THSD7B: variants seen among roughly 807,000 people sequenced by gnomAD.
THSD7B encodes thrombospondin type-1 domain-containing protein 7B.
Under a neutral mutation model 213.6 loss-of-function variants are expected in THSD7B, and 138 were observed. The observed-to-expected ratio is 0.65, with a 90% CI of 0.56 to 0.74. The LOEUF (loss-of-function observed/expected upper bound fraction) is 0.74. Among genes scored for constraint, THSD7B ranks in the 30% least tolerant of loss-of-function variants. THSD7B has a pLI of 0.00. For synonymous variants in THSD7B, 742 were observed against 687.0 expected, an observed-to-expected ratio of 1.08 and a Z score of -1.25; for missense variants, 1,931 against 1,991.5, an observed-to-expected ratio of 0.97 and a Z score of 0.58.
intron 2 of THSD7B, among the ~76,000 whole-genome samples, chr2:136,964,391 C>T (rs1685279443): frequency 6.6e-6 from 1 of 152,024 alleles, no homozygotes; most frequent in South Asian, 2.1e-4. Context: ...CACCACTGCA[C>T]TCCAGCCTGG....
intron 3 of THSD7B, among the ~76,000 whole-genome samples, chr2:137,076,986 C>T (rs1687639860): frequency 8.9e-6 from 1 of 112,442 alleles, no homozygotes; most frequent in African/African-American, 3.5e-5. Context: ...TCCCCCCACC[C>T]CACAACAGGC....
At chr2:137,188,852 AT>A (rs1337220684) in intron 7 of THSD7B, among the ~76,000 whole-genome samples, 2 of 152,210 alleles carry the variant, frequency 1.3e-5, no homozygotes, top group Non-Finnish European at 2.9e-5. Context: ...CATACCAGGC[AT>A]TTATCAGAAA....
intron 2 of THSD7B, among the ~76,000 whole-genome samples, chr2:137,024,626 A>C (rs1484503185): frequency 6.6e-6 from 1 of 152,112 alleles, no homozygotes; most frequent in Admixed American, 6.6e-5. Flanking sequence ...AACATATATT[A>C]GCATACCTGT....
At chr2:137,046,617 C>T (rs1686974787) in intron 2 of THSD7B, among the ~76,000 whole-genome samples, 1 of 150,710 alleles carries the variant, frequency 6.6e-6, no homozygotes, top group Non-Finnish European at 1.5e-5. Flanking sequence ...GTAATTCCAG[C>T]TACTTGGGAG....
At chr2:137,487,496 A>G (rs1043064462) in intron 15 of THSD7B, among the ~76,000 whole-genome samples, 1 of 151,152 alleles carries the variant, frequency 6.6e-6, no homozygotes, top group South Asian at 2.1e-4. Context: ...GACACAAAAA[A>G]CCCTTCAAAA....
chr2:137,174,831 T>C (rs1680329576), intron 7 of THSD7B, among the ~76,000 whole-genome samples: 1 of 152,214 alleles, frequency 6.6e-6, no homozygotes, highest in Admixed American at 6.5e-5. Flanking sequence ...TGAATATGCA[T>C]AGGTTATTCT....
intron 2 of THSD7B, among the ~76,000 whole-genome samples, chr2:137,013,609 A>G (rs1686279840): frequency 6.6e-6 from 1 of 152,182 alleles, no homozygotes; most frequent in Admixed American, 6.5e-5. Flanking sequence ...TAGCTATTCT[A>G]CATATAGCAA....
intron 2 of THSD7B, among the ~76,000 whole-genome samples, chr2:136,899,617 G>A (rs1338544957): frequency 1.3e-5 from 2 of 152,118 alleles, no homozygotes; most frequent in Non-Finnish European, 2.9e-5. Flanking sequence ...CATTTTAATG[G>A]GTTTATGTTA....
chr2:136,825,482 C>G (rs981708483), intron 1 of THSD7B, among the ~76,000 whole-genome samples: 1 of 152,130 alleles, frequency 6.6e-6, no homozygotes, highest in Admixed American at 6.5e-5. Context: ...AAGCCTGCAG[C>G]AACAGTCCAG....
chr2:136,916,207 C>T (rs1347469937), intron 2 of THSD7B, among the ~76,000 whole-genome samples: 1 of 152,120 alleles, frequency 6.6e-6, no homozygotes, highest in Admixed American at 6.6e-5. Flanking sequence ...ATTTATTAGT[C>T]ATGAGAATGT....
At chr2:137,494,784 T>A (rs72844504) in intron 15 of THSD7B, among the ~76,000 whole-genome samples, 1 of 152,020 alleles carries the variant, frequency 6.6e-6, no homozygotes, top group Non-Finnish European at 1.5e-5. Flanking sequence ...TATGCCTCTA[T>A]GGACACCCCT....
At chr2:137,030,951 T>A (rs1300252641) in intron 2 of THSD7B, among the ~76,000 whole-genome samples, 2 of 152,182 alleles carry the variant, frequency 1.3e-5, no homozygotes, top group South Asian at 4.1e-4. Context: ...AATAAGTAAA[T>A]TTTTTAAACC....
At chr2:136,936,246 A>G (rs897834465) in intron 2 of THSD7B, among the ~76,000 whole-genome samples, 4 of 152,272 alleles carry the variant, frequency 2.6e-5, no homozygotes, top group East Asian at 1.9e-4. Flanking sequence ...CACAACCACT[A>G]TGGAAAACGG....
intron 7 of THSD7B, among the ~76,000 whole-genome samples, chr2:137,172,395 T>A (rs1173185354): frequency 6.6e-6 from 1 of 152,090 alleles, no homozygotes; most frequent in African/African-American, 2.4e-5. Flanking sequence ...AGAGAGGGGC[T>A]GGAGATTGGG....
chr2:137,407,396 G>A (rs917212659), intron 13 of THSD7B, among the ~76,000 whole-genome samples: 3 of 151,436 alleles, frequency 2.0e-5, no homozygotes, highest in Non-Finnish European at 4.4e-5. Context: ...TGTCTACGTG[G>A]CACCAAAACA....
At chr2:137,134,652 T>C (rs772981157) in intron 5 of THSD7B, among the ~76,000 whole-genome samples, 4 of 152,172 alleles carry the variant, frequency 2.6e-5, no homozygotes, top group Non-Finnish European at 5.9e-5. Flanking sequence ...GGCAAACCTG[T>C]GGCCCTTCTC....
chr2:136,894,707 A>T (rs1002848687), intron 2 of THSD7B, among the ~76,000 whole-genome samples: 2 of 152,198 alleles, frequency 1.3e-5, no homozygotes, highest in African/African-American at 4.8e-5. Context: ...AACGTAATGT[A>T]GTTTGGATAC....
At chr2:137,416,812 G>A (rs978289758) in intron 14 of THSD7B, among the ~76,000 whole-genome samples, 2 of 152,150 alleles carry the variant, frequency 1.3e-5, no homozygotes, top group African/African-American at 2.4e-5. Flanking sequence ...TTTTGCCCTC[G>A]ATGTATAGTT....
At chr2:136,979,217 C>T (rs1204399517) in intron 2 of THSD7B, among the ~76,000 whole-genome samples, 1 of 149,890 alleles carries the variant, frequency 6.7e-6, no homozygotes, top group Admixed American at 6.6e-5. Context: ...TCTTGCTGCC[C>T]TTAACATTTT....
Sources: gnomAD v4.1 joint callset for allele counts (sites outside exome capture counted in the v4.1 genomes callset) on GRCh38, gnomAD v4.1.1 for gene constraint, MANE v1.5 for transcripts, NCBI Gene and HGNC (gene_info 2026-07-23, HGNC 2026-07-21) for gene names.